The following PRIM2 variants were observed in gnomAD, a reference collection of about 807,000 sequenced individuals.
PRIM2 encodes the protein DNA primase large subunit.
Under a neutral mutation model 67.3 loss-of-function variants are expected in PRIM2, and 39 were observed. The observed-to-expected ratio is 0.58, with a 90% CI of 0.45 to 0.76. The LOEUF is 0.76. Ranked by LOEUF, PRIM2 falls within the 30% of genes least tolerant of loss-of-function variation. PRIM2 has a pLI of 0.00. For synonymous variants in PRIM2, 143 were observed against 198.7 expected (o/e 0.72, Z 2.36); for missense variants, 398 against 598.7 (o/e 0.66, Z 3.50).
chr6:57,502,839 G>A (rs1397317697), intron 7 of PRIM2, among the ~76,000 whole-genome samples: 1 of 152,170 alleles, frequency 6.6e-6, no homozygotes, highest in East Asian at 1.9e-4. Context: ...TGGGCTACTT[G>A]TTTCTTTTGA....
At chr6:57,325,026 AG>A (rs1252777697) in intron 4 of PRIM2, among the ~76,000 whole-genome samples, 2 of 152,202 alleles carry the variant, frequency 1.3e-5, no homozygotes, top group African/African-American at 4.8e-5. Flanking sequence ...TTTTGCATCC[AG>A]TAGGGTAATT....
At chr6:57,543,921 G>A (rs1289094997) in intron 10 of PRIM2, among the ~76,000 whole-genome samples, 12 of 152,092 alleles carry the variant, frequency 7.9e-5, no homozygotes, top group Non-Finnish European at 1.6e-4. Context: ...AGGTTAAGCA[G>A]TTTTTGTGTT....
intron 7 of PRIM2, among the ~76,000 whole-genome samples, chr6:57,457,318 C>A (rs1476222221): frequency 2.0e-5 from 3 of 152,218 alleles, no homozygotes; most frequent in Non-Finnish European, 1.5e-5. Context: ...TCAAAGCTGT[C>A]AGACAGGGAC....
intron 12 of PRIM2, among the ~76,000 whole-genome samples, chr6:57,629,306 A>G (rs1180503248): frequency 6.6e-6 from 1 of 152,206 alleles, no homozygotes; most frequent in Non-Finnish European, 1.5e-5. Context: ...TCCTGTTTCT[A>G]CACAGAAAAT....
the PRIM2 span, among the ~76,000 whole-genome samples, chr6:57,241,400 C>T: frequency 6.6e-6 from 1 of 151,326 alleles, no homozygotes; most frequent in Non-Finnish European, 1.5e-5. Flanking sequence ...CAGAGTGAGA[C>T]CCTGTTTTAA....
At chr6:57,498,085 G>C (rs1774046767) in intron 7 of PRIM2, among the ~76,000 whole-genome samples, 3 of 152,268 alleles carry the variant, frequency 2.0e-5, no homozygotes, top group African/African-American at 7.2e-5. Context: ...CTTGGTCCCA[G>C]TAATAAAAGT....
At chr6:57,585,062 A>T (rs1469096636) in intron 10 of PRIM2, among the ~76,000 whole-genome samples, 2 of 152,238 alleles carry the variant, frequency 1.3e-5, no homozygotes, top group Non-Finnish European at 2.9e-5. Context: ...TAACAAAAGC[A>T]GTGTTTTCCA....
At chr6:57,268,649 A>T in the PRIM2 span, among the ~76,000 whole-genome samples, 1 of 151,954 alleles carries the variant, frequency 6.6e-6, no homozygotes, top group African/African-American at 2.4e-5. Flanking sequence ...TATTATTATT[A>T]TACTTTAAGT....
Position 57,473,685 on chromosome 6 carries a change from TGC to T in PRIM2, c.694-33701_694-33700del, listed in dbSNP as rs1773393513. Among the ~76,000 whole-genome samples the T allele has an allele frequency of 2.0e-5, 3 of 152,264 alleles. No individual in the cohort carries two copies. The South Asian group carries it at 6.2e-4, about 32-fold the overall frequency. The stretch of plus-strand genomic sequence containing the variant: ...GCAAAACAAACGAACAAAACCGGGT[TGC>T]ATTATTTTTTCCTGAGCTTCTGTGA... On this transcript the variant is annotated intron_variant, in intron 7 of 13. Transcript: ENST00000615550.
At chr6:57,326,248 C>T in intron 5 of PRIM2, 2 of 481,422 alleles carry the variant, frequency 4.2e-6, no homozygotes, top group East Asian at 3.6e-5. Context: ...CAAAGTCTCA[C>T]ACTTACTTGC....
intron 7 of PRIM2, among the ~76,000 whole-genome samples, chr6:57,390,710 A>T (rs577521997): frequency 6.6e-6 from 1 of 152,314 alleles, no homozygotes; most frequent in Non-Finnish European, 1.5e-5. Context: ...CACAAAAGAC[A>T]TGATCTCATT....
chr6:57,228,888 C>T, the PRIM2 span, among the ~76,000 whole-genome samples: 1 of 152,108 alleles, frequency 6.6e-6, no homozygotes, highest in Non-Finnish European at 1.5e-5. Flanking sequence ...TGTAAGCCCT[C>T]AAAAGAGTTA....
intron 7 of PRIM2, among the ~76,000 whole-genome samples, chr6:57,438,258 T>A (rs62401712): frequency 6.6e-6 from 1 of 152,230 alleles, no homozygotes; most frequent in Non-Finnish European, 1.5e-5. Context: ...CAACAATGTT[T>A]AGCTTTACAA....
At chr6:57,319,713 G>T (rs1235619486) in intron 2 of PRIM2, among the ~76,000 whole-genome samples, 1 of 152,182 alleles carries the variant, frequency 6.6e-6, no homozygotes, top group Admixed American at 6.5e-5. Context: ...GAGGGAGCAG[G>T]TGTGGAGTGG....
At chr6:57,626,117 A>T (rs1776946017) in intron 12 of PRIM2, among the ~76,000 whole-genome samples, 1 of 152,264 alleles carries the variant, frequency 6.6e-6, no homozygotes, top group Non-Finnish European at 1.5e-5. Context: ...CTAATTGGTG[A>T]GTACAGCATA....
In PRIM2 at chr6:57,374,304, T is replaced by TTTATTTATTTA. The variant is rs1491303703; in HGVS notation, c.460-5595_460-5594insATTTATTTATT. Among the ~76,000 whole-genome samples, 705 of 123,274 alleles carry TTTATTTATTTA rather than the reference T, an allele frequency of 5.7e-3. 6 individuals carry two copies. Among genetic ancestry groups the TTTATTTATTTA allele is most frequent in the African/African-American group, 0.022 (674 of 30,410 alleles). The allele number at this position is 123,274 out of a possible 152,430, so 80.9% of individuals were successfully genotyped here. On this transcript the variant is annotated intron_variant, in intron 5 of 13. Transcript: ENST00000615550. ...ATTTATTTATTTATTTATTTATTTA[T>TTTATTTATTTA]TTTTTTTGAGACGGAGTTTCGCTCT...
intron 7 of PRIM2, among the ~76,000 whole-genome samples, chr6:57,444,175 G>A (rs1376349644): frequency 6.6e-6 from 1 of 152,084 alleles, no homozygotes; most frequent in Non-Finnish European, 1.5e-5. Context: ...ACCTCTCAAA[G>A]TATATATGTT....
chr6:57,525,319 A>G (rs1189086306), intron 8 of PRIM2, among the ~76,000 whole-genome samples: 1 of 152,214 alleles, frequency 6.6e-6, no homozygotes, highest in African/African-American at 2.4e-5. Context: ...AAAATGTCAG[A>G]ATGTTTTAAT....
intron 7 of PRIM2, among the ~76,000 whole-genome samples, chr6:57,443,169 A>T (rs1772256371): frequency 6.6e-6 from 1 of 152,148 alleles, no homozygotes; most frequent in Non-Finnish European, 1.5e-5. Flanking sequence ...ACTTAGGTTG[A>T]TTCCATAATT....
Sources: gnomAD v4.1 joint callset for allele counts (sites outside exome capture counted in the v4.1 genomes callset) on GRCh38, gnomAD v4.1.1 for gene constraint, MANE v1.5 for transcripts, NCBI Gene and HGNC (gene_info 2026-07-23, HGNC 2026-07-21) for gene names.